The following NEU3 variants were observed in gnomAD, a reference collection of about 807,000 sequenced individuals.
The protein encoded by NEU3 is neuraminidase 3, also known as sialidase-3.
In NEU3, 10 loss-of-function variants were observed where a neutral mutation model predicts 11.4. That is an observed-to-expected ratio of 0.88 (90% CI 0.54 to 1.49). NEU3 has a LOEUF of 1.49. NEU3 is among the 40% of genes most tolerant of loss of function. NEU3 has a pLI of 0.00. For missense variants in NEU3, 529 were observed against 581.8 expected, an observed-to-expected ratio of 0.91 and a Z score of 0.93; for synonymous variants, 212 against 228.2, an observed-to-expected ratio of 0.93 and a Z score of 0.64.
upstream of NEU3, among the ~76,000 whole-genome samples, chr11:74,983,845 T>C (rs185174792): frequency 5.3e-5 from 8 of 152,298 alleles, no homozygotes; most frequent in Admixed American, 5.2e-4. Flanking sequence ...TCAGACCGAG[T>C]ACAGGGTCAA....
chr11:75,014,497 GC>G (rs2140259093), downstream of NEU3, among the ~76,000 whole-genome samples: 1 of 152,316 alleles, frequency 6.6e-6, no homozygotes, highest in East Asian at 1.9e-4. Context: ...AGCCAAAGAA[GC>G]AAGGCATTGT....
At chr11:74,984,962 C>T (rs529046946), upstream of NEU3, among the ~76,000 whole-genome samples, 2 of 152,184 alleles carry the variant, frequency 1.3e-5, no homozygotes, top group African/African-American at 2.4e-5. Context: ...AATAAGTTGC[C>T]GAGATCACTC....
downstream of NEU3, among the ~76,000 whole-genome samples, chr11:75,020,659 A>G (rs540128344): frequency 3.8e-4 from 58 of 151,978 alleles, no homozygotes; most frequent in African/African-American, 1.4e-3. Flanking sequence ...AGTCAATTAA[A>G]CCTCTTTCTT....
chr11:74,998,329 T>TGCTCA (rs1261592669), intron 2 of NEU3, among the ~76,000 whole-genome samples: 2 of 152,218 alleles, frequency 1.3e-5, no homozygotes, highest in South Asian at 4.1e-4. Context: ...AGTGAGCACA[T>TGCTCA]GCTCAGTTCA....
At chr11:74,993,158 C>T (rs759725358) in intron 1 of NEU3, among the ~76,000 whole-genome samples, 12 of 152,008 alleles carry the variant, frequency 7.9e-5, no homozygotes, top group Admixed American at 3.3e-4. Flanking sequence ...GCTATAGGTC[C>T]GCATGGGTTA....
chr11:75,007,740 T>C lies in NEU3; in HGVS notation c.*1248T>C, dbSNP rs1429829241. The C allele has an allele frequency of 6.6e-6, 1 of 152,238 alleles. No individual in the cohort carries two copies. Among genetic ancestry groups the C allele is most frequent in the Non-Finnish European group, 1.5e-5 (1 of 68,040 alleles). 9.4% of individuals were successfully genotyped at this position (152,238 alleles called of 1,614,324 possible). ...CTTAGTTCATGCTGAGTCTCTCAGA[T>C]GATACCACGTTGGTTGTTCCTATCT... is the stretch of plus-strand genomic sequence containing the variant. On this transcript the variant is annotated 3_prime_UTR_variant, in exon 3 of 3. Coordinates refer to ENST00000294064, the MANE Select transcript of NEU3 (RefSeq NM_006656.6).
At chr11:74,994,943 A>T in intron 2 of NEU3, 1 of 659,790 alleles carries the variant, frequency 1.5e-6, no homozygotes. Flanking sequence ...GTTTTCAGTC[A>T]TATTTTACAG....
At chr11:74,993,041 A>C (rs917885042) in intron 1 of NEU3, among the ~76,000 whole-genome samples, 3 of 152,200 alleles carry the variant, frequency 2.0e-5, no homozygotes, top group Admixed American at 2.0e-4. Context: ...AGAAACCAAG[A>C]GTGAACTGAA....
chr11:75,020,196 C>G (rs907604117), downstream of NEU3, among the ~76,000 whole-genome samples: 3 of 152,144 alleles, frequency 2.0e-5, no homozygotes, highest in Non-Finnish European at 4.4e-5. Flanking sequence ...AAGTAACCAA[C>G]CTGCTTTTAA....
intron 3 of NEU3, among the ~76,000 whole-genome samples, chr11:75,017,792 C>A (rs144489194): frequency 6.6e-6 from 1 of 152,030 alleles, no homozygotes; most frequent in Non-Finnish European, 1.5e-5. Flanking sequence ...AGACCACTCT[C>A]GAAAAAGACC....
intron 2 of NEU3, among the ~76,000 whole-genome samples, chr11:74,997,375 C>T (rs947608484): frequency 6.6e-6 from 1 of 152,178 alleles, no homozygotes; most frequent in Non-Finnish European, 1.5e-5. Context: ...CTCTCTCAGC[C>T]TTTGTAGAAC....
downstream of NEU3, among the ~76,000 whole-genome samples, chr11:75,020,390 G>T (rs1022330137): frequency 1.3e-5 from 2 of 152,176 alleles, no homozygotes; most frequent in Admixed American, 1.3e-4. Flanking sequence ...TGATTTGGCT[G>T]TTCCACCACC....
chr11:75,012,302 T>C (rs1462627017), downstream of NEU3, among the ~76,000 whole-genome samples: 1 of 152,228 alleles, frequency 6.6e-6, no homozygotes, highest in Non-Finnish European at 1.5e-5. Flanking sequence ...GCTGCATGGT[T>C]GAAACCTTCC....
Position 75,006,417 on chromosome 11 carries a change from C to G in NEU3, c.1311C>G (p.His437Gln), listed in dbSNP as rs763594992. 5.6e-6 allele frequency: 9 copies of G among 1,613,920 alleles called. No homozygotes were observed. The highest frequency in any genetic ancestry group is 7.6e-6 in the Non-Finnish European group (9 of 1,179,878). ...CEQIAFRLFT[H>Q]REILSHLQGD... ...AGATTGCCTTCCGCCTGTTTACACA[C>G]CGGGAGATCCTGAGTCACCTGCAGG... Residue 437 changes from histidine to glutamine, a missense_variant, in exon 3 of 3, where the codon CAC (histidine) becomes CAG (glutamine). His to Gln is a conservative substitution (Grantham distance 24). Coordinates refer to ENST00000294064, the MANE Select transcript of NEU3 (RefSeq NM_006656.6).
chr11:74,989,000 T>G lies in NEU3; in HGVS notation c.-61T>G, dbSNP rs1351033484. ...TCCGTCTCAGTTGTTTCTCCCTCTC[T>G]ATCCTCCTCTGTCTCAGTCTCCCCA... On this transcript the variant is annotated 5_prime_UTR_variant, in exon 1 of 3. Transcript: ENST00000294064. 7.8e-7 allele frequency: 1 copy of G among 1,286,548 alleles called. No individual in the cohort carries two copies. The highest frequency in any genetic ancestry group is 2.1e-5 in the Admixed American group (1 of 48,246). 79.7% of individuals were successfully genotyped at this position (1,286,548 alleles called of 1,614,324 possible). A position where few individuals can be genotyped will look rare whatever the true frequency, so the allele number is the denominator to read the frequency against.
chr11:74,982,350 T>C, the NEU3 span, among the ~76,000 whole-genome samples: 15 of 149,928 alleles, frequency 1.0e-4, no homozygotes, highest in Non-Finnish European at 2.1e-4. Context: ...TAGGTAAACC[T>C]GCTCATTTCA....
At chr11:75,016,555 T>G (rs1251735664) in intron 3 of NEU3, among the ~76,000 whole-genome samples, 1 of 152,254 alleles carries the variant, frequency 6.6e-6, no homozygotes, top group Non-Finnish European at 1.5e-5. Context: ...TTGTTTACCA[T>G]ATTATTCCAT....
In NEU3 at chr11:75,008,955, G is replaced by A. The variant is rs1948928396; in HGVS notation, c.*2463G>A. Reference sequence around the variant, plus strand: ...AGATGTATAATACCAGTACTCATAAGAGGTCCATCTCTAAATTGCCCTCCT... The same window carrying A: ...AGATGTATAATACCAGTACTCATAAAAGGTCCATCTCTAAATTGCCCTCCT... On this transcript the variant is annotated 3_prime_UTR_variant, in exon 3 of 3. Transcript: ENST00000294064. 1 of 152,134 alleles carries A rather than the reference G, an allele frequency of 6.6e-6. No homozygotes were observed. Among genetic ancestry groups the A allele is most frequent in the Non-Finnish European group, 1.5e-5 (1 of 68,042 alleles). The allele number at this position is 152,134 out of a possible 1,614,324, so 9.4% of individuals were successfully genotyped here.
Position 74,994,529 on chromosome 11 carries a change from A to G in NEU3, c.115A>G (p.Thr39Ala), listed in dbSNP as rs1948765644. Residue 39 changes from threonine to alanine, a missense_variant, in exon 2 of 3, where the codon ACA becomes GCA. Transcript: ENST00000294064. ...SSAEVMEEVT[T>A]CSFNSPLFRQ... ...TGCAGAGGTCATGGAAGAAGTGACAACATGCTCCTTCAACAGCCCTCTGTT... is the reference window on the plus strand; with the variant it reads ...TGCAGAGGTCATGGAAGAAGTGACAGCATGCTCCTTCAACAGCCCTCTGTT... 6.2e-7 allele frequency: 1 copy of G among 1,611,846 alleles called. No individual in the cohort carries two copies. Among genetic ancestry groups the G allele is most frequent in the Non-Finnish European group, 8.5e-7 (1 of 1,178,592 alleles).
Sources: allele counts gnomAD v4.1 joint callset (sites outside exome capture counted in the v4.1 genomes callset), GRCh38; gene constraint gnomAD v4.1.1; transcripts MANE v1.5; gene names NCBI Gene and HGNC (gene_info 2026-07-23, HGNC 2026-07-21).